CRKL: variants seen among roughly 807,000 people sequenced by gnomAD.
The protein encoded by CRKL is CRK like proto-oncogene, adaptor protein, also known as crk-like protein.
Under a neutral mutation model 23.0 loss-of-function variants are expected in CRKL, and 3 were observed. That is an observed-to-expected ratio of 0.13 (90% CI 0.06 to 0.34). The LOEUF (loss-of-function observed/expected upper bound fraction) is 0.34, where lower values mean the gene tolerates loss of function less well. CRKL is among the 10% of genes least tolerant of loss of function. CRKL has a pLI of 1.00. For missense variants in CRKL, 256 were observed against 394.5 expected (o/e 0.65, Z 2.97); for synonymous variants, 188 against 160.7 (o/e 1.17, Z -1.28).
intron 2 of CRKL, among the ~76,000 whole-genome samples, chr22:20,946,470 A>G (rs531828712): frequency 3.9e-4 from 59 of 152,290 alleles, no homozygotes; most frequent in African/African-American, 1.4e-3. Flanking sequence ...TAGTGTTTTG[A>G]CAGTTCTAAT....
chr22:20,931,024 G>T (rs531586489), intron 1 of CRKL, among the ~76,000 whole-genome samples: 2 of 152,200 alleles, frequency 1.3e-5, no homozygotes, highest in East Asian at 3.9e-4. Flanking sequence ...CTCTTGGATG[G>T]AGTCTAAGGT....
intron 1 of CRKL, among the ~76,000 whole-genome samples, chr22:20,931,498 A>G (rs2147902550): frequency 6.6e-6 from 1 of 152,294 alleles, no homozygotes; most frequent in Non-Finnish European, 1.5e-5. Flanking sequence ...GCTGCTCGGT[A>G]ATTTTGAATG....
At position 20,952,998 on chromosome 22, in the gene CRKL, G is replaced by C. The variant is rs1922333968; in HGVS notation, c.*3153G>C. 8.6e-6 allele frequency: 2 copies of C among 231,916 alleles called. No individual in the cohort carries two copies. The highest frequency in any genetic ancestry group is 4.4e-5 in the African/African-American group (2 of 45,240). 14.4% of individuals were successfully genotyped at this position (231,916 alleles called of 1,614,324 possible). A position where few individuals can be genotyped will look rare whatever the true frequency, so the allele number is the denominator to read the frequency against. ...TGGGAGCTCATGTGTCCCTGGCGCTGTGCTAGCTTTCCTTTACAGCTGTTT... is the reference window on the plus strand; with the variant it reads ...TGGGAGCTCATGTGTCCCTGGCGCTCTGCTAGCTTTCCTTTACAGCTGTTT... On this transcript the variant is annotated 3_prime_UTR_variant, in exon 3 of 3. Transcript: ENST00000354336.
At position 20,953,067 on chromosome 22, in the gene CRKL, T is replaced by A. The variant is rs181522565; in HGVS notation, c.*3222T>A. On this transcript the variant is annotated 3_prime_UTR_variant, in exon 3 of 3. Coordinates refer to ENST00000354336, the MANE Select transcript of CRKL (RefSeq NM_005207.4). ...AGGCAGATGGCCACTGCTCTTGTGA[T>A]GTTTGCTCAGAGGAATATGAACATT... 30 of 232,542 alleles carry A rather than the reference T, an allele frequency of 1.3e-4. No individual in the cohort carries two copies. The highest frequency in any genetic ancestry group is 6.6e-4 in the African/African-American group (30 of 45,400). 14.4% of individuals were successfully genotyped at this position (232,542 alleles called of 1,614,324 possible).
At chr22:20,933,500 C>T (rs1248160906) in intron 1 of CRKL, among the ~76,000 whole-genome samples, 1 of 151,776 alleles carries the variant, frequency 6.6e-6, no homozygotes, top group Non-Finnish European at 1.5e-5. Flanking sequence ...AACCCCTTCT[C>T]TACTAAAAAT....
In CRKL at chr22:20,918,592, C is replaced by CTT. The variant is rs66827795; in HGVS notation, c.311+364_311+365dup. Among the ~76,000 whole-genome samples, 311 of 89,324 alleles carry CTT rather than the reference C, an allele frequency of 3.5e-3. 1 individual carries two copies. Among genetic ancestry groups the CTT allele is most frequent in the Middle Eastern group, 0.01 (2 of 192 alleles). 58.6% of individuals were successfully genotyped at this position (89,324 alleles called of 152,430 possible). On this transcript the variant is annotated intron_variant, in intron 1 of 2. Transcript: ENST00000354336. ...GATTTGTTGGTTTTTCTAAAAACCT[C>CTT]TTTTTTTTTTTTTTTTTTGAGACGG...
Position 20,950,046 on chromosome 22 carries a change from T to C in CRKL, c.*201T>C. The C allele has an allele frequency of 1.7e-6, 1 of 590,380 alleles. No homozygotes were observed. Among genetic ancestry groups the C allele is most frequent in the South Asian group, 2.7e-5 (1 of 37,306 alleles). 36.6% of individuals were successfully genotyped at this position (590,380 alleles called of 1,614,324 possible). ...GTATCATAGTCGTATTGTCAAAGAG[T>C]AGCCGATTTTAGAGTTCTTTTGGAT... On this transcript the variant is annotated 3_prime_UTR_variant, in exon 3 of 3. Coordinates refer to ENST00000354336, the MANE Select transcript of CRKL (RefSeq NM_005207.4).
intron 2 of CRKL, among the ~76,000 whole-genome samples, chr22:20,945,397 T>C (rs926051257): frequency 6.6e-6 from 1 of 152,134 alleles, no homozygotes; most frequent in Non-Finnish European, 1.5e-5. Flanking sequence ...TCTTTTCTTA[T>C]ATATATGATC....
intron 2 of CRKL, among the ~76,000 whole-genome samples, chr22:20,944,474 G>A (rs959934757): frequency 6.6e-6 from 1 of 151,380 alleles, no homozygotes; most frequent in African/African-American, 2.4e-5. Context: ...GTGCAATCTC[G>A]GCTCACTGCA....
intron 1 of CRKL, among the ~76,000 whole-genome samples, chr22:20,933,110 C>T (rs892080004): frequency 6.6e-6 from 1 of 151,568 alleles, no homozygotes; most frequent in African/African-American, 2.4e-5. Context: ...GTGGCTCACA[C>T]CTGTAATCCC....
rs2147921282 is a variant in CRKL at position 20,953,080 on chromosome 22, G to A, written c.*3235G>A. The A allele has an allele frequency of 4.3e-6, 1 of 232,422 alleles. No homozygotes were observed. The highest frequency in any genetic ancestry group is 2.2e-5 in the African/African-American group (1 of 45,374). 14.4% of individuals were successfully genotyped at this position (232,422 alleles called of 1,614,324 possible). ...CTGCTCTTGTGATGTTTGCTCAGAGGAATATGAACATTTTATTTTTGAAAA... is the reference window on the plus strand; with the variant it reads ...CTGCTCTTGTGATGTTTGCTCAGAGAAATATGAACATTTTATTTTTGAAAA... On this transcript the variant is annotated 3_prime_UTR_variant, in exon 3 of 3. Transcript: ENST00000354336.
chr22:20,928,812 CAAAAAAAAAA>C (rs57896414), intron 1 of CRKL, among the ~76,000 whole-genome samples: 6 of 81,572 alleles, frequency 7.4e-5, no homozygotes, highest in African/African-American at 9.6e-5. Flanking sequence ...GATCCCATCT[CAAAAAAAAAA>C]AAAAAAAAAA....
rs2147918198 is a variant in CRKL, at chr22:20,949,708, C to T, written c.778-3C>T. The T allele has an allele frequency of 1.2e-6, 2 of 1,610,724 alleles. No homozygotes were observed. Among genetic ancestry groups the T allele is most frequent in the Non-Finnish European group, 8.5e-7 (1 of 1,179,114 alleles). Reference sequence around the variant, plus strand: ...GCTAACTTTGTCTTCTTCATCCATACAGGTTGGTGACATCGTGAAAGTCAC... The same window carrying T: ...GCTAACTTTGTCTTCTTCATCCATATAGGTTGGTGACATCGTGAAAGTCAC... On this transcript the variant is annotated splice_polypyrimidine_tract_variant and splice_region_variant and intron_variant, in intron 2 of 2. Transcript: ENST00000354336.
rs562821285 is a variant in CRKL, at chr22:20,951,385, T to G, written c.*1540T>G. The G allele has an allele frequency of 1.9e-4, 44 of 231,306 alleles. No individual in the cohort carries two copies. Among genetic ancestry groups the G allele is most frequent in the African/African-American group, 9.5e-4 (43 of 45,340 alleles). 14.3% of individuals were successfully genotyped at this position (231,306 alleles called of 1,614,324 possible). A position where few individuals can be genotyped will look rare whatever the true frequency, so the allele number is the denominator to read the frequency against. Reference sequence around the variant, plus strand: ...CATTAACTAGTTTATCATTAACCACTTATCAGTGTATTGATGTTAAAGCAT... The same window carrying G: ...CATTAACTAGTTTATCATTAACCACGTATCAGTGTATTGATGTTAAAGCAT... On this transcript the variant is annotated 3_prime_UTR_variant, in exon 3 of 3. Coordinates refer to ENST00000354336, the MANE Select transcript of CRKL (RefSeq NM_005207.4).
intron 1 of CRKL, among the ~76,000 whole-genome samples, chr22:20,931,623 G>A (rs947200005): frequency 2.0e-5 from 3 of 152,062 alleles, no homozygotes; most frequent in African/African-American, 4.8e-5. Flanking sequence ...CTGAGTGCAA[G>A]TCTAACCTCT....
chr22:20,950,031 C>A lies in CRKL; in HGVS notation c.*186C>A. Reference sequence around the variant, plus strand: ...TGCCTCCTGATGTTTGTATCATAGTCGTATTGTCAAAGAGTAGCCGATTTT... The same window carrying A: ...TGCCTCCTGATGTTTGTATCATAGTAGTATTGTCAAAGAGTAGCCGATTTT... On this transcript the variant is annotated 3_prime_UTR_variant, in exon 3 of 3. Transcript: ENST00000354336. 1 of 707,972 alleles carries A rather than the reference C, an allele frequency of 1.4e-6. No homozygotes were observed. The highest frequency in any genetic ancestry group is 2.2e-6 in the Non-Finnish European group (1 of 453,488). The allele number at this position is 707,972 out of a possible 1,614,324, so 43.9% of individuals were successfully genotyped here. A position where few individuals can be genotyped will look rare whatever the true frequency, so the allele number is the denominator to read the frequency against.
rs60913011 is a variant in CRKL at position 20,950,328 on chromosome 22, CTTT to C, written c.*491_*493del. On this transcript the variant is annotated 3_prime_UTR_variant, in exon 3 of 3. Transcript: ENST00000354336. ...TCTGTTCTAAAACTCCAAAATCTGG[CTTT>C]TTTTTTTCTTTTGTTTTGGTTTGGT... 9.2e-6 allele frequency: 2 copies of C among 217,358 alleles called. No homozygotes were observed. Among genetic ancestry groups the C allele is most frequent in the East Asian group, 1.4e-4 (2 of 14,392 alleles). 13.5% of individuals were successfully genotyped at this position (217,358 alleles called of 1,614,324 possible). A position where few individuals can be genotyped will look rare whatever the true frequency, so the allele number is the denominator to read the frequency against.
chr22:20,924,142 C>G (rs1461385535), intron 1 of CRKL, among the ~76,000 whole-genome samples: 1 of 152,156 alleles, frequency 6.6e-6, no homozygotes, highest in East Asian at 1.9e-4. Flanking sequence ...GAGCTATGAT[C>G]ATGCCACTGC....
chr22:20,948,068 G>A (rs139798582), intron 2 of CRKL, among the ~76,000 whole-genome samples: 1 of 152,226 alleles, frequency 6.6e-6, no homozygotes, highest in African/African-American at 2.4e-5. Context: ...TTAAGGATAC[G>A]AACTGACCTG....
Sources: gnomAD v4.1 joint callset for allele counts (sites outside exome capture counted in the v4.1 genomes callset) on GRCh38, gnomAD v4.1.1 for gene constraint, MANE v1.5 for transcripts, NCBI Gene and HGNC (gene_info 2026-07-23, HGNC 2026-07-21) for gene names.